NAA11: variants seen among roughly 807,000 people sequenced by gnomAD.
NAA11 encodes the protein N-alpha-acetyltransferase 11.
A neutral mutation model predicts 16.1 loss-of-function variants in NAA11; 15 were observed. That is an observed-to-expected ratio of 0.93 (90% CI 0.62 to 1.44). The LOEUF (loss-of-function observed/expected upper bound fraction) is 1.44, where lower values mean the gene tolerates loss of function less well. Ranked by LOEUF, NAA11 falls within the 40% of genes most tolerant of loss-of-function variation. The pLI, the probability that NAA11 is intolerant of heterozygous loss-of-function variation, is 0.00. For synonymous variants in NAA11, 122 were observed against 112.4 expected (o/e 1.09, Z -0.54); for missense variants, 298 against 291.3 (o/e 1.02, Z -0.17).
At chr4:79,162,368 T>C in the NAA11 span, among the ~76,000 whole-genome samples, 2 of 152,134 alleles carry the variant, frequency 1.3e-5, no homozygotes, top group Non-Finnish European at 2.9e-5. Flanking sequence ...CTGGGGGTCT[T>C]AGAATTGTCA....
chr4:79,303,118 ATATAC>A (rs1723459542), intron 1 of NAA11, among the ~76,000 whole-genome samples: 1 of 120,626 alleles, frequency 8.3e-6, no homozygotes, highest in East Asian at 2.5e-4. Flanking sequence ...ATATATATAT[ATATAC>A]CTCCCAACAT....
intron 2 of NAA11, chr4:79,293,876 A>C (rs1723149726): frequency 6.6e-6 from 1 of 152,238 alleles, no homozygotes; most frequent in Admixed American, 6.5e-5. Context: ...GATTAGATCA[A>C]GACATCTCTG....
intron 2 of NAA11, among the ~76,000 whole-genome samples, chr4:79,247,621 C>G (rs556510489): frequency 6.6e-6 from 1 of 151,976 alleles, no homozygotes; most frequent in African/African-American, 2.4e-5. Context: ...GTAAGACTGG[C>G]GCACTCCAAG....
chr4:79,243,598 T>C (rs1384289015), intron 2 of NAA11, among the ~76,000 whole-genome samples: 3 of 152,260 alleles, frequency 2.0e-5, no homozygotes, highest in African/African-American at 7.2e-5. Flanking sequence ...ACAAGTTTAC[T>C]GATGTGTTAG....
the NAA11 span, among the ~76,000 whole-genome samples, chr4:79,157,356 G>A: frequency 6.6e-6 from 1 of 151,932 alleles, no homozygotes. Flanking sequence ...TATAATGTTT[G>A]GTTTTCCATT....
chr4:79,315,752 T>C (rs60611476), downstream of NAA11, among the ~76,000 whole-genome samples: 1,312 of 152,176 alleles, frequency 8.6e-3, 17 homozygotes, highest in African/African-American at 0.03. Flanking sequence ...TGCCACAGAC[T>C]CTCACAATTT....
chr4:79,242,674 A>T (rs1231097830), intron 2 of NAA11, among the ~76,000 whole-genome samples: 1 of 152,202 alleles, frequency 6.6e-6, no homozygotes, highest in East Asian at 1.9e-4. Context: ...TTAATACACT[A>T]CTTATCTATG....
At chr4:79,219,566 T>A in the NAA11 span, among the ~76,000 whole-genome samples, 1 of 152,212 alleles carries the variant, frequency 6.6e-6, no homozygotes, top group South Asian at 2.1e-4. Context: ...TGATTTCCTG[T>A]TATTTGTGCT....
the NAA11 span, among the ~76,000 whole-genome samples, chr4:79,211,523 A>G: frequency 6.6e-6 from 1 of 152,242 alleles, no homozygotes; most frequent in Non-Finnish European, 1.5e-5. Context: ...GTCTATATGT[A>G]GAGAGAGACA....
intron 2 of NAA11, among the ~76,000 whole-genome samples, chr4:79,238,225 A>G (rs943668640): frequency 6.6e-6 from 1 of 152,238 alleles, no homozygotes; most frequent in African/African-American, 2.4e-5. Flanking sequence ...GTTAAATGCC[A>G]TAAGGACCTA....
chr4:79,252,475 A>G (rs1376713178), intron 2 of NAA11, among the ~76,000 whole-genome samples: 1 of 152,218 alleles, frequency 6.6e-6, no homozygotes, highest in Non-Finnish European at 1.5e-5. Flanking sequence ...TGGGGTAGAT[A>G]GATAATAAAC....
downstream of NAA11, among the ~76,000 whole-genome samples, chr4:79,312,423 G>A (rs1271206767): frequency 6.6e-6 from 1 of 151,952 alleles, no homozygotes; most frequent in Non-Finnish European, 1.5e-5. Flanking sequence ...GGCCAAAGCG[G>A]GTAGATCACC....
downstream of NAA11, among the ~76,000 whole-genome samples, chr4:79,225,180 TC>T (rs1721282545): frequency 7.2e-5 from 11 of 152,050 alleles, no homozygotes; most frequent in South Asian, 2.3e-3. Flanking sequence ...TAGGGGAAAC[TC>T]AATGTGGGGT....
At chr4:79,312,445 A>G (rs1723799681), downstream of NAA11, among the ~76,000 whole-genome samples, 1 of 151,866 alleles carries the variant, frequency 6.6e-6, no homozygotes, top group Non-Finnish European at 1.5e-5. Context: ...GAGGTTAGGA[A>G]CTTGAGACCA....
chr4:79,190,451 T>G, the NAA11 span, among the ~76,000 whole-genome samples: 12 of 51,230 alleles, frequency 2.3e-4, no homozygotes, highest in African/African-American at 6.8e-4. Flanking sequence ...CTTCCTTGTC[T>G]CTCCCTTTTT....
the NAA11 span, among the ~76,000 whole-genome samples, chr4:79,188,972 C>A: frequency 1.3e-5 from 2 of 151,610 alleles, no homozygotes; most frequent in Admixed American, 6.6e-5. Flanking sequence ...TGGCTCACGC[C>A]TGTAATCGCA....
chr4:79,313,408 ACT>A (rs1266694462), downstream of NAA11, among the ~76,000 whole-genome samples: 1 of 152,076 alleles, frequency 6.6e-6, no homozygotes, highest in Non-Finnish European at 1.5e-5. Context: ...TGGACTCCGC[ACT>A]CTGTGTCTTC....
chr4:79,202,446 G>A, the NAA11 span, among the ~76,000 whole-genome samples: 1 of 147,552 alleles, frequency 6.8e-6, no homozygotes, highest in Non-Finnish European at 1.5e-5. Flanking sequence ...CTGGACCTAA[G>A]GTCTTTGATT....
At chr4:79,324,129 T>G (rs926761086) in intron 1 of NAA11, among the ~76,000 whole-genome samples, 6 of 152,168 alleles carry the variant, frequency 3.9e-5, no homozygotes, top group African/African-American at 1.4e-4. Flanking sequence ...CCAACAATTA[T>G]CATTGCCATT....
Sources: gnomAD v4.1 joint callset for allele counts (sites outside exome capture counted in the v4.1 genomes callset) on GRCh38, gnomAD v4.1.1 for gene constraint, MANE v1.5 for transcripts, NCBI Gene and HGNC (gene_info 2026-07-23, HGNC 2026-07-21) for gene names.